Variants in ERI1 observed in about 807,000 individuals in gnomAD.
The protein encoded by ERI1 is exoribonuclease 1.
Under a neutral mutation model 39.7 loss-of-function variants are expected in ERI1, and 39 were observed. The observed-to-expected ratio is 0.98, with a 90% CI of 0.76 to 1.28. The LOEUF (loss-of-function observed/expected upper bound fraction) is 1.28. ERI1 is among the 50% of genes most tolerant of loss of function. The pLI, the probability that ERI1 is intolerant of heterozygous loss-of-function variation, is 0.00. For synonymous variants in ERI1, 204 were observed against 149.6 expected (o/e 1.36, Z -2.65); for missense variants, 581 against 416.9 (o/e 1.39, Z -3.43).
chr8:9,031,421 G>A lies in ERI1; in HGVS notation c.*1387G>A, dbSNP rs1206319266. 2 of 152,190 alleles carry A rather than the reference G, an allele frequency of 1.3e-5. No individual in the cohort carries two copies. Among genetic ancestry groups the A allele is most frequent in the Non-Finnish European group, 2.9e-5 (2 of 68,024 alleles). 9.4% of individuals were successfully genotyped at this position (152,190 alleles called of 1,614,324 possible). ...TAAATAACAGAAGGCATATGAGAGT[G>A]TGGTGTTCCTAGATGAACTGTTACA... On this transcript the variant is annotated 3_prime_UTR_variant, in exon 7 of 7. Coordinates refer to ENST00000250263, the MANE Select transcript of ERI1 (RefSeq NM_153332.4).
chr8:9,092,818 C>T (rs1421633736), intron 3 of ERI1, among the ~76,000 whole-genome samples: 1 of 152,198 alleles, frequency 6.6e-6, no homozygotes, highest in Non-Finnish European at 1.5e-5. Context: ...TCTTAGGTCC[C>T]AGAATTGTAT....
chr8:9,062,674 C>G (rs1001136374), intron 3 of ERI1: 1 of 150,792 alleles, frequency 6.6e-6, no homozygotes, highest in African/African-American at 2.4e-5. Context: ...TGTAGGCTTC[C>G]GAGGCAATCC....
At chr8:9,060,288 C>T (rs1054996252) in intron 3 of ERI1, among the ~76,000 whole-genome samples, 1 of 152,230 alleles carries the variant, frequency 6.6e-6, no homozygotes, top group East Asian at 1.9e-4. Flanking sequence ...GTGGCCTTCT[C>T]AGACCCTGTG....
At chr8:9,009,418 C>CA (rs776778656) in intron 2 of ERI1, among the ~76,000 whole-genome samples, 56 of 152,048 alleles carry the variant, frequency 3.7e-4, no homozygotes, top group Non-Finnish European at 6.6e-4. Context: ...GTATTTCAGG[C>CA]AAAAAAATAA....
At chr8:9,081,256 A>T (rs1035981325) in intron 3 of ERI1, among the ~76,000 whole-genome samples, 8 of 152,150 alleles carry the variant, frequency 5.3e-5, no homozygotes, top group African/African-American at 1.7e-4. Flanking sequence ...TTGTGATGAG[A>T]TTTGGGTGGG....
chr8:9,004,373 G>T, intron 1 of ERI1: 3 of 875,854 alleles, frequency 3.4e-6, no homozygotes, highest in Non-Finnish European at 4.4e-6. Context: ...CTTTATATTT[G>T]AAAGTCTTGA....
intron 3 of ERI1, among the ~76,000 whole-genome samples, chr8:9,041,855 CT>C (rs1798032462): frequency 6.6e-6 from 1 of 152,168 alleles, no homozygotes; most frequent in African/African-American, 2.4e-5. Flanking sequence ...TTGCCTCAGC[CT>C]CTCGAGTAGC....
At position 9,018,423 on chromosome 8, in the gene ERI1, AT is replaced by A; in HGVS notation, c.692+19del. Reference sequence around the variant, plus strand: ...AACAGATGGGTAAGTATTTAGGAAGATTATTTTTTTATATCTACTTTTTAAA... The same window carrying A: ...AACAGATGGGTAAGTATTTAGGAAGATATTTTTTTATATCTACTTTTTAAA... On this transcript the variant is annotated intron_variant, in intron 5 of 6. Coordinates refer to ENST00000250263, the MANE Select transcript of ERI1 (RefSeq NM_153332.4). 1 of 1,387,632 alleles carries A rather than the reference AT, an allele frequency of 7.2e-7. No homozygotes were observed. The highest frequency in any genetic ancestry group is 1.2e-5 in the South Asian group (1 of 82,612). The allele number at this position is 1,387,632 out of a possible 1,614,324, so 86.0% of individuals were successfully genotyped here. A position where few individuals can be genotyped will look rare whatever the true frequency, so the allele number is the denominator to read the frequency against.
At chr8:9,090,793 A>C (rs1240306467) in intron 3 of ERI1, among the ~76,000 whole-genome samples, 1 of 152,220 alleles carries the variant, frequency 6.6e-6, no homozygotes, top group Admixed American at 6.5e-5. Context: ...CAACAACACA[A>C]TAAAACAATG....
At chr8:9,021,993 G>A (rs1004950256) in intron 6 of ERI1, among the ~76,000 whole-genome samples, 1 of 151,578 alleles carries the variant, frequency 6.6e-6, no homozygotes, top group Non-Finnish European at 1.5e-5. Context: ...CTGTGCACTC[G>A]TTTTTCTAAG....
chr8:9,088,746 T>C (rs1156801138), intron 3 of ERI1, among the ~76,000 whole-genome samples: 1 of 152,218 alleles, frequency 6.6e-6, no homozygotes, highest in East Asian at 1.9e-4. Flanking sequence ...TCAGGAGCTG[T>C]TCTCCTGGGT....
At chr8:9,004,366 T>A in intron 1 of ERI1, 2 of 929,518 alleles carry the variant, frequency 2.2e-6, no homozygotes, top group Non-Finnish European at 2.7e-6. Flanking sequence ...TATGCTTCTT[T>A]ATATTTGAAA....
intron 3 of ERI1, among the ~76,000 whole-genome samples, chr8:9,056,729 A>G (rs994273474): frequency 7.2e-5 from 11 of 152,148 alleles, no homozygotes; most frequent in Admixed American, 2.6e-4. Flanking sequence ...AAATTGTTGT[A>G]TTGATTTGAT....
intron 3 of ERI1, among the ~76,000 whole-genome samples, chr8:9,060,821 G>A (rs894892965): frequency 2.0e-5 from 3 of 152,144 alleles, no homozygotes; most frequent in South Asian, 4.1e-4. Flanking sequence ...CTAGAGCAAC[G>A]GGATCTGATG....
At chr8:9,047,095 C>T (rs1798197290) in intron 3 of ERI1, among the ~76,000 whole-genome samples, 1 of 152,212 alleles carries the variant, frequency 6.6e-6, no homozygotes, top group Non-Finnish European at 1.5e-5. Context: ...TGCTCTTTCC[C>T]AGAAGGAGCA....
chr8:9,038,196 C>T (rs1466350109), downstream of ERI1, among the ~76,000 whole-genome samples: 3 of 152,094 alleles, frequency 2.0e-5, no homozygotes, highest in East Asian at 3.9e-4. Flanking sequence ...TTTTAAAATT[C>T]CTCTTTCTCC....
chr8:9,043,614 A>G (rs1798089398), intron 3 of ERI1, among the ~76,000 whole-genome samples: 1 of 152,208 alleles, frequency 6.6e-6, no homozygotes, highest in Non-Finnish European at 1.5e-5. Context: ...GAAAATTATT[A>G]TGTATTTGGT....
chr8:9,065,354 G>T (rs962654446), intron 3 of ERI1, among the ~76,000 whole-genome samples: 2 of 152,100 alleles, frequency 1.3e-5, no homozygotes, highest in African/African-American at 2.4e-5. Flanking sequence ...CAGAAGTAAG[G>T]CAGAGGATGC....
chr8:9,099,567 C>A (rs1799985540), intron 3 of ERI1, among the ~76,000 whole-genome samples: 1 of 149,618 alleles, frequency 6.7e-6, no homozygotes, highest in African/African-American at 2.5e-5. Context: ...TGCAATCCAG[C>A]CTGGGCAATA....
Sources: gnomAD v4.1 joint callset for allele counts (sites outside exome capture counted in the v4.1 genomes callset) on GRCh38, gnomAD v4.1.1 for gene constraint, MANE v1.5 for transcripts, NCBI Gene and HGNC (gene_info 2026-07-23, HGNC 2026-07-21) for gene names.